NLRP3: variants seen among roughly 807,000 people sequenced by gnomAD.
The protein encoded by NLRP3 is NLR family pyrin domain containing 3, also known as NACHT, LRR and PYD domains-containing protein 3.
In NLRP3, 48 loss-of-function variants were observed where a neutral mutation model predicts 91.3. The ratio of observed to expected loss-of-function variants is 0.53; its 90% CI spans 0.42 to 0.67. The LOEUF is 0.67. Among genes scored for constraint, NLRP3 ranks in the 30% least tolerant of loss-of-function variants. The pLI is 0.00. For synonymous variants in NLRP3, 561 were observed against 507.9 expected (o/e 1.10, Z -1.41); for missense variants, 982 against 1,276.9 (o/e 0.77, Z 3.52).
rs80093553 is a variant in NLRP3, at chr1:247,434,046, T to C, written c.2322-57T>C. ...GTGTGTCCTGATGCTTCCTCTGTTC[T>C]GGAGCTCTCTGGTCAGGTGTGTTCT... On this transcript the variant is annotated intron_variant, in intron 5 of 9. Transcript: ENST00000336119. 0.01 allele frequency: 7,872 copies of C among 757,502 alleles called. 1,420 individuals carry two copies. Among genetic ancestry groups the C allele is most frequent in the Admixed American group, 0.04 (1,289 of 32,062 alleles). The allele number at this position is 757,502 out of a possible 1,614,324, so 46.9% of individuals were successfully genotyped here.
Position 247,425,786 on chromosome 1 carries a change from G to A in NLRP3, c.2150+187G>A. 1.6e-6 allele frequency: 1 copy of A among 621,890 alleles called. No individual in the cohort carries two copies. The highest frequency in any genetic ancestry group is 1.9e-5 in the South Asian group (1 of 51,846). 38.5% of individuals were successfully genotyped at this position (621,890 alleles called of 1,614,324 possible). A position where few individuals can be genotyped will look rare whatever the true frequency, so the allele number is the denominator to read the frequency against. ...TTGATGTATGGTAGGTGGATAAATG[G>A]GATGAGGAAAAAAAAAATAAAACAA... On this transcript the variant is annotated intron_variant, in intron 4 of 9. Coordinates refer to ENST00000336119, the MANE Select transcript of NLRP3 (RefSeq NM_001243133.2). The surrounding 1 kb of genome is among the most constrained non-coding windows in gnomAD (Gnocchi z 4.1).
At chr1:247,429,520 C>G (rs924807581) in intron 4 of NLRP3, 65 bp from the exon 5 acceptor site, 1 of 1,583,970 alleles carries the variant, frequency 6.3e-7, no homozygotes, top group African/African-American at 1.3e-5. Context: ...ACCCCGGCCC[C>G]CAGCTCCAGT....
intron 4 of NLRP3, among the ~76,000 whole-genome samples, 183 bp from the exon 5 acceptor site, chr1:247,429,402 G>T (rs777788355): frequency 1.3e-5 from 2 of 152,188 alleles, no homozygotes; most frequent in African/African-American, 4.8e-5. Flanking sequence ...AGGCAGAACT[G>T]CTTTTACCAA....
At chr1:247,423,451 G>T in intron 3 of NLRP3, 102 bp downstream of exon 3, 2 of 1,386,636 alleles carry the variant, frequency 1.4e-6, no homozygotes, top group South Asian at 2.4e-5. Context: ...ATAGGTTCCT[G>T]CTCTTTGGAA....
Position 247,425,445 on chromosome 1 carries a change from T to C in NLRP3, c.1996T>C (p.Phe666Leu). Residue 666 changes from phenylalanine (F) to leucine (L), a missense_variant, in exon 4 of 10, where the codon TTT becomes CTT. By Grantham distance (22) the Phe-to-Leu change is conservative. This residue lies in a region of NLRP3 where 373 missense variants were observed against 431.5 expected (regional missense o/e 0.86). Coordinates refer to ENST00000336119, the MANE Select transcript of NLRP3 (RefSeq NM_001243133.2). The surrounding 1 kb of genome is among the most constrained non-coding windows in gnomAD (Gnocchi z 4.1). ...CAGAATGGACCACATGGTTTCTTCC[T>C]TTTGCATTGAGAACTGTCATCGGGT... The part of the protein sequence containing the change: ...STRMDHMVSS[F>L]CIENCHRVES... 1 of 1,614,210 alleles carries C rather than the reference T, an allele frequency of 6.2e-7. No individual in the cohort carries two copies. Among genetic ancestry groups the C allele is most frequent in the South Asian group, 1.1e-5 (1 of 91,086 alleles).
At chr1:247,434,749 G>T (rs10925023) in intron 6 of NLRP3, among the ~76,000 whole-genome samples, 54,382 of 151,994 alleles carry the variant, frequency 0.36, 10,623 homozygotes, top group South Asian at 0.47. Context: ...TCACCCATTA[G>T]GATGGCTATT....
intron 2 of NLRP3, among the ~76,000 whole-genome samples, chr1:247,420,377 TAA>T (rs1662369383): frequency 6.6e-6 from 1 of 152,190 alleles, no homozygotes; most frequent in African/African-American, 2.4e-5. Context: ...TTCATTTGGT[TAA>T]CTGTGTCCTT....
In NLRP3 at chr1:247,436,211, T is replaced by C. The variant is rs76225363; in HGVS notation, c.2663+71T>C. 14,016 of 1,498,438 alleles carry C rather than the reference T, an allele frequency of 9.4e-3. 1,028 individuals are homozygous for C. In the African/African-American group the frequency reaches 0.16, roughly 18 times the overall value. 92.8% of individuals were successfully genotyped at this position (1,498,438 alleles called of 1,614,324 possible). ...AGGTGAATTATTTGGAAAATGTGGATGGGGGTTACTTTGGTCAGGCAGAGC... is the reference window on the plus strand; with the variant it reads ...AGGTGAATTATTTGGAAAATGTGGACGGGGGTTACTTTGGTCAGGCAGAGC... On this transcript the variant is annotated intron_variant, in intron 7 of 9. Transcript: ENST00000336119.
At chr1:247,437,806 G>A (rs1018235189) in intron 7 of NLRP3, among the ~76,000 whole-genome samples, 2 of 152,226 alleles carry the variant, frequency 1.3e-5, no homozygotes, top group Admixed American at 6.5e-5. Context: ...CTCTGCTCAC[G>A]TTTGGCGAGT....
intron 1 of NLRP3, among the ~76,000 whole-genome samples, chr1:247,416,420 C>G (rs1044591047): frequency 6.6e-6 from 1 of 152,142 alleles, no homozygotes; most frequent in Non-Finnish European, 1.5e-5. Flanking sequence ...GGGAGGACAG[C>G]GGCAGCAACC....
intron 4 of NLRP3, among the ~76,000 whole-genome samples, chr1:247,427,025 G>A (rs72771994): frequency 0.035 from 5,264 of 152,320 alleles, 135 homozygotes; most frequent in Non-Finnish European, 0.052. Flanking sequence ...CTGCAGGCTG[G>A]TTGGCTTATA....
intron 3 of NLRP3, among the ~76,000 whole-genome samples, 200 bp from the exon 4 acceptor site, chr1:247,423,647 G>A (rs1438055995): frequency 6.6e-6 from 1 of 152,088 alleles, no homozygotes; most frequent in Non-Finnish European, 1.5e-5. Flanking sequence ...TACACATAGA[G>A]ATGGGCCTTC....
intron 2 of NLRP3, among the ~76,000 whole-genome samples, chr1:247,420,108 C>A (rs1266840025): frequency 6.6e-5 from 10 of 152,166 alleles, no homozygotes; most frequent in African/African-American, 2.4e-4. Context: ...AGTAGCCATT[C>A]TAATGAGTGT....
chr1:247,434,254 T>G lies in NLRP3; in HGVS notation c.2473T>G (p.Cys825Gly). Residue 825 changes from cysteine (C) to glycine (G), a missense_variant, in exon 6 of 10, where the codon TGC becomes GGC. Cys to Gly is a radical substitution (Grantham distance 159). This residue lies in a region of NLRP3 where 373 missense variants were observed against 431.5 expected (regional missense o/e 0.86). Transcript: ENST00000336119. ...LLCVGLKHLL[C>G]NLKKLWLVSC... ...GTGTGTGGGACTGAAGCACCTGTTG[T>G]GCAATCTGAAGAAGCTCTGGTGAGT... The G allele has an allele frequency of 6.2e-7, 1 of 1,614,230 alleles. No individual in the cohort carries two copies. The highest frequency in any genetic ancestry group is 1.1e-5 in the South Asian group (1 of 91,090).
Position 247,423,883 on chromosome 1 carries a change from G to C in NLRP3, c.434G>C (p.Arg145Thr). 1 of 1,614,064 alleles carries C rather than the reference G, an allele frequency of 6.2e-7. No individual in the cohort carries two copies. Among genetic ancestry groups the C allele is most frequent in the Non-Finnish European group, 8.5e-7 (1 of 1,180,008 alleles). Residue 145 changes from arginine to threonine, a missense_variant, in exon 4 of 10, where the codon AGA (arginine) becomes ACA (threonine). Around this residue, in one of 5 missense-constraint regions of NLRP3, gnomAD observed 548 missense variants for 713.7 expected, o/e 0.77. Transcript: ENST00000336119. The stretch of plus-strand genomic sequence containing the variant: ...AAGTACAGAAAGTACGTGAGAAGCA[G>C]ATTCCAGTGCATTGAAGACAGGAAT... ...RKKYRKYVRS[R>T]FQCIEDRNAR...
chr1:247,433,622 A>T (rs1663513297), intron 5 of NLRP3, among the ~76,000 whole-genome samples: 1 of 152,044 alleles, frequency 6.6e-6, no homozygotes, highest in Non-Finnish European at 1.5e-5. Context: ...TGCTTTCTCT[A>T]TTCCAGAGCT....
chr1:247,429,948 C>G lies in NLRP3; in HGVS notation c.2321+193C>G, dbSNP rs192508376. Among the ~76,000 whole-genome samples the G allele has an allele frequency of 2.6e-3, 402 of 152,230 alleles. 2 individuals carry two copies. Among genetic ancestry groups the G allele is most frequent in the Non-Finnish European group, 4.4e-3 (301 of 68,014 alleles). On this transcript the variant is annotated intron_variant, in intron 5 of 9. Coordinates refer to ENST00000336119, the MANE Select transcript of NLRP3 (RefSeq NM_001243133.2). ...GGAGTGCAATGCCGTGACCTCGGCT[C>G]ACTGCAATCTCTGCCTCCTGGGTTC...
intron 1 of NLRP3, among the ~76,000 whole-genome samples, chr1:247,417,731 C>T (rs562563087): frequency 2.0e-5 from 3 of 152,250 alleles, no homozygotes; most frequent in Non-Finnish European, 4.4e-5. Flanking sequence ...GGTGATCCGC[C>T]CACCTCGGCC....
intron 7 of NLRP3, among the ~76,000 whole-genome samples, chr1:247,436,467 C>T (rs1159899622): frequency 6.6e-6 from 1 of 152,176 alleles, no homozygotes; most frequent in African/African-American, 2.4e-5. Context: ...TGCATGCTTG[C>T]AAGCATGCAA....
Sources: allele counts gnomAD v4.1 joint callset (sites outside exome capture counted in the v4.1 genomes callset), GRCh38; gene constraint gnomAD v4.1.1; regional missense constraint gnomAD v4.1.1; non-coding constraint Gnocchi (gnomAD v3.1); transcripts MANE v1.5; gene names NCBI Gene and HGNC (gene_info 2026-07-23, HGNC 2026-07-21).